Variants in ERG observed in about 807,000 individuals in gnomAD.
ERG encodes transcriptional regulator ERG.
Under a neutral mutation model 55.3 loss-of-function variants are expected in ERG, and 9 were observed. The ratio of observed to expected loss-of-function variants is 0.16; its 90% CI spans 0.10 to 0.28. The LOEUF (loss-of-function observed/expected upper bound fraction) is 0.28. Ranked by LOEUF, ERG falls within the 10% of genes least tolerant of loss-of-function variation. ERG has a pLI of 1.00. For synonymous variants in ERG, 223 were observed against 237.3 expected, an observed-to-expected ratio of 0.94 and a Z score of 0.55; for missense variants, 434 against 631.6, an observed-to-expected ratio of 0.69 and a Z score of 3.35.
chr21:38,438,768 T>TGGGTCACCTTTACCCAGCTGCTGGGC (rs1164663660), intron 2 of ERG, among the ~76,000 whole-genome samples: 1 of 152,154 alleles, frequency 6.6e-6, no homozygotes, highest in Non-Finnish European at 1.5e-5. Flanking sequence ...ATTCGCTGGG[T>TGGGTCACCTTTACCCAGCTGCTGGGC]GGGTCACCTT....
At chr21:38,427,589 G>A (rs980415252) in intron 2 of ERG, among the ~76,000 whole-genome samples, 3 of 152,132 alleles carry the variant, frequency 2.0e-5, no homozygotes, top group African/African-American at 4.8e-5. Context: ...CGGGTGGCCC[G>A]AACTCTCCAT....
intron 7 of ERG, 193 bp downstream of exon 7, chr21:38,392,183 A>T (rs1988003102): frequency 1.5e-6 from 1 of 680,658 alleles, no homozygotes; most frequent in Non-Finnish European, 2.7e-6. Flanking sequence ...TATTTTTGTT[A>T]TGAAAGTCCT....
chr21:38,597,356 C>T (rs535260961), intron 1 of ERG, among the ~76,000 whole-genome samples: 11 of 152,128 alleles, frequency 7.2e-5, no homozygotes, highest in African/African-American at 2.6e-4. Context: ...CATTTTATCT[C>T]TATATCTATA....
intron 1 of ERG, among the ~76,000 whole-genome samples, chr21:38,472,261 C>G (rs1480135902): frequency 1.3e-5 from 2 of 152,116 alleles, no homozygotes; most frequent in Admixed American, 1.3e-4. Context: ...TGTATGCCAC[C>G]TTAAGTCACT....
chr21:38,548,013 T>C (rs972803885), intron 2 of ERG, among the ~76,000 whole-genome samples: 1 of 152,202 alleles, frequency 6.6e-6, no homozygotes, highest in Non-Finnish European at 1.5e-5. Context: ...ATAATCATAA[T>C]TGTTCTACAT....
intron 2 of ERG, among the ~76,000 whole-genome samples, chr21:38,505,015 C>A (rs1384982419): frequency 6.6e-6 from 1 of 152,198 alleles, no homozygotes; most frequent in Non-Finnish European, 1.5e-5. Flanking sequence ...TAGAAGCCTG[C>A]ATTAATAATT....
At chr21:38,653,666 A>G (rs2060501358) in intron 1 of ERG, among the ~76,000 whole-genome samples, 1 of 152,216 alleles carries the variant, frequency 6.6e-6, no homozygotes, top group Non-Finnish European at 1.5e-5. Flanking sequence ...TCAGACAGAC[A>G]GGTGGATAGG....
chr21:38,462,754 G>A (rs2059055085), intron 1 of ERG, among the ~76,000 whole-genome samples: 1 of 152,124 alleles, frequency 6.6e-6, no homozygotes, highest in Non-Finnish European at 1.5e-5. Flanking sequence ...CTGCCCCAGG[G>A]CTCTCTAACA....
chr21:38,456,280 CT>C (rs2058988726), intron 1 of ERG, among the ~76,000 whole-genome samples: 1 of 152,120 alleles, frequency 6.6e-6, no homozygotes, highest in Non-Finnish European at 1.5e-5. Flanking sequence ...TTTAATTTTC[CT>C]CAATCTTGTA....
intron 1 of ERG, among the ~76,000 whole-genome samples, chr21:38,452,849 C>T (rs1477324033): frequency 6.6e-6 from 1 of 152,246 alleles, no homozygotes; most frequent in Non-Finnish European, 1.5e-5. Context: ...CATACTTCTC[C>T]CCTGGCCTTG....
chr21:38,415,741 T>C (rs1019813996), intron 3 of ERG, among the ~76,000 whole-genome samples: 4 of 152,162 alleles, frequency 2.6e-5, no homozygotes, highest in Non-Finnish European at 5.9e-5. Flanking sequence ...GGTTTTCTCA[T>C]GTTTAAAGGA....
intron 2 of ERG, among the ~76,000 whole-genome samples, chr21:38,506,284 G>A (rs1371820822): frequency 2.0e-5 from 3 of 152,306 alleles, no homozygotes; most frequent in East Asian, 3.9e-4. Context: ...TAAATGTAGA[G>A]TATGTTTGTT....
intron 1 of ERG, among the ~76,000 whole-genome samples, chr21:38,618,572 A>C (rs1313067209): frequency 6.6e-6 from 1 of 152,198 alleles, no homozygotes; most frequent in Non-Finnish European, 1.5e-5. Context: ...AACAACTTTA[A>C]AACAGAACTT....
chr21:38,421,554 G>C (rs1989541247), intron 3 of ERG, among the ~76,000 whole-genome samples: 1 of 152,196 alleles, frequency 6.6e-6, no homozygotes, highest in Admixed American at 6.5e-5. Flanking sequence ...ACACCATGGA[G>C]GGAATCTAAC....
At position 38,448,088 on chromosome 21, in the gene ERG, TA is replaced by T. The variant is rs376290374; in HGVS notation, c.19-2468del. Reference sequence around the variant, plus strand: ...AAAAATGTAGTGTAAGTTTGAATAATAAAAAAAAGACCAAAATATTAGAACT... The same window carrying T: ...AAAAATGTAGTGTAAGTTTGAATAATAAAAAAAGACCAAAATATTAGAACT... On this transcript the variant is annotated intron_variant, in intron 1 of 9. Transcript: ENST00000288319. Among the ~76,000 whole-genome samples, 1,324 of 151,952 alleles carry T rather than the reference TA, an allele frequency of 8.7e-3. 21 individuals carry two copies. Among genetic ancestry groups the T allele is most frequent in the African/African-American group, 0.03 (1,254 of 41,462 alleles).
chr21:38,621,535 T>A (rs2060290224), intron 1 of ERG, among the ~76,000 whole-genome samples: 1 of 152,140 alleles, frequency 6.6e-6, no homozygotes, highest in Non-Finnish European at 1.5e-5. Context: ...GGGACCTCCA[T>A]TAGGCCCAGC....
chr21:38,630,201 T>A (rs574662223), intron 1 of ERG, among the ~76,000 whole-genome samples: 1 of 152,172 alleles, frequency 6.6e-6, no homozygotes, highest in African/African-American at 2.4e-5. Flanking sequence ...TTGTACAATA[T>A]TGCAAATGTG....
rs544037525 is a variant in ERG, at chr21:38,480,591, C to CTTTTTTTTTT, written c.18+17762_18+17771dup. Among the ~76,000 whole-genome samples the CTTTTTTTTTT allele has an allele frequency of 8.4e-4, 43 of 51,118 alleles. 5 individuals are homozygous for CTTTTTTTTTT. The highest frequency in any genetic ancestry group is 9.0e-4 in the Admixed American group (3 of 3,316). The allele number at this position is 51,118 out of a possible 152,430, so 33.5% of individuals were successfully genotyped here. ...TTGCCACTTTAGGGCACTATATGGC[C>CTTTTTTTTTT]TTTTTTTTTTTTTTTTTTTTTTTGC... On this transcript the variant is annotated intron_variant, in intron 1 of 9. Transcript: ENST00000288319.
chr21:38,537,507 T>C (rs2059720192), intron 2 of ERG, among the ~76,000 whole-genome samples: 1 of 151,970 alleles, frequency 6.6e-6, no homozygotes, highest in East Asian at 1.9e-4. Context: ...AATTTAAAAA[T>C]GGGCAAAGGA....
Sources: allele counts gnomAD v4.1 joint callset (sites outside exome capture counted in the v4.1 genomes callset), GRCh38; gene constraint gnomAD v4.1.1; transcripts MANE v1.5; gene names NCBI Gene and HGNC (gene_info 2026-07-23, HGNC 2026-07-21).